PALM2AKAP2: variants seen among roughly 807,000 people sequenced by gnomAD.
PALM2AKAP2 encodes the protein PALM2 and AKAP2 fusion, also known as PALM2-AKAP2 fusion protein.
In PALM2AKAP2, 37 loss-of-function variants were observed where a neutral mutation model predicts 71.5. The observed-to-expected ratio is 0.52, with a 90% CI of 0.40 to 0.68. The LOEUF (loss-of-function observed/expected upper bound fraction) is 0.68. Among genes scored for constraint, PALM2AKAP2 ranks in the 30% least tolerant of loss-of-function variants. PALM2AKAP2 has a pLI of 0.00. For synonymous variants in PALM2AKAP2, 468 were observed against 478.8 expected, an observed-to-expected ratio of 0.98 and a Z score of 0.29; for missense variants, 1,224 against 1,191.8, an observed-to-expected ratio of 1.03 and a Z score of -0.40.
At chr9:109,778,725 GCATTTATTCAGGAAA>G (rs1829383896), upstream of PALM2AKAP2, among the ~76,000 whole-genome samples, 1 of 151,364 alleles carries the variant, frequency 6.6e-6, no homozygotes, top group Non-Finnish European at 1.5e-5. Flanking sequence ...TGAAATGGAA[GCATTTATTCAGGAAA>G]CAGGTGATCT....
At chr9:109,652,786 T>A (rs1048447877) in intron 1 of PALM2AKAP2, among the ~76,000 whole-genome samples, 2 of 152,180 alleles carry the variant, frequency 1.3e-5, no homozygotes, top group Non-Finnish European at 2.9e-5. Flanking sequence ...GGTCACAATC[T>A]AATGAGAAAC....
chr9:110,014,835 TATATATATATATATATAC>T (rs1564260688), intron 6 of PALM2AKAP2, among the ~76,000 whole-genome samples: 1 of 105,356 alleles, frequency 9.5e-6, no homozygotes, highest in African/African-American at 3.7e-5. Context: ...TATATATATA[TATATATATATATATATAC>T]ACACACACAC....
intron 1 of PALM2AKAP2, among the ~76,000 whole-genome samples, chr9:109,770,873 T>C (rs1049582477): frequency 4.6e-5 from 7 of 152,270 alleles, no homozygotes; most frequent in African/African-American, 1.7e-4. Flanking sequence ...CCAGGAGCTT[T>C]GTATACATTA....
intron 1 of PALM2AKAP2, among the ~76,000 whole-genome samples, chr9:109,804,636 C>G (rs1183454167): frequency 6.6e-6 from 1 of 152,194 alleles, no homozygotes; most frequent in Admixed American, 6.5e-5. Context: ...GCTGACAAAT[C>G]AGAATGCTAA....
intron 2 of PALM2AKAP2, among the ~76,000 whole-genome samples, chr9:110,146,353 C>G (rs186977279): frequency 1.4e-4 from 22 of 152,298 alleles, no homozygotes; most frequent in African/African-American, 4.8e-4. Flanking sequence ...GCTGTTCCTG[C>G]TGATTGTGCT....
intron 1 of PALM2AKAP2, among the ~76,000 whole-genome samples, chr9:109,835,447 C>A (rs906066405): frequency 6.6e-6 from 1 of 152,004 alleles, no homozygotes; most frequent in Non-Finnish European, 1.5e-5. Flanking sequence ...CAGCTCCCAG[C>A]GTGAGCAACA....
intron 3 of PALM2AKAP2, among the ~76,000 whole-genome samples, chr9:109,893,393 A>G (rs548239652): frequency 6.6e-6 from 1 of 152,342 alleles, no homozygotes; most frequent in African/African-American, 2.4e-5. Flanking sequence ...AATTGTGGGC[A>G]GACCAAGTTG....
At chr9:110,107,210 A>G (rs909591296) in intron 1 of PALM2AKAP2, among the ~76,000 whole-genome samples, 2 of 152,198 alleles carry the variant, frequency 1.3e-5, no homozygotes, top group Non-Finnish European at 2.9e-5. Context: ...GTTAACAATA[A>G]TATACAGTTT....
At chr9:109,786,635 T>C (rs756637203) in intron 1 of PALM2AKAP2, among the ~76,000 whole-genome samples, 13 of 152,192 alleles carry the variant, frequency 8.5e-5, no homozygotes, top group Admixed American at 2.6e-4. Context: ...GTCATTGCTG[T>C]GTCTGGGAGT....
At chr9:109,819,574 GC>G (rs1827937439) in intron 1 of PALM2AKAP2, among the ~76,000 whole-genome samples, 1 of 151,832 alleles carries the variant, frequency 6.6e-6, no homozygotes, top group Non-Finnish European at 1.5e-5. Context: ...GGACAGAGTG[GC>G]CCCCCAGAAG....
At chr9:109,942,870 AT>A in intron 6 of PALM2AKAP2, 1 of 1,614,204 alleles carries the variant, frequency 6.2e-7, no homozygotes, top group Non-Finnish European at 8.5e-7. Flanking sequence ...GAGTGCACAA[AT>A]TAAGCACAAA....
chr9:109,691,845 TATATATATATATATATATATATAC>T (rs1175898175), intron 1 of PALM2AKAP2, among the ~76,000 whole-genome samples: 7 of 18,354 alleles, frequency 3.8e-4, no homozygotes, highest in Non-Finnish European at 5.2e-4. Context: ...TATATATATA[TATATATATATATATATATATATAC>T]ACACACACAC....
chr9:109,857,240 A>T (rs1829192242), intron 1 of PALM2AKAP2, among the ~76,000 whole-genome samples: 1 of 152,218 alleles, frequency 6.6e-6, no homozygotes, highest in Admixed American at 6.5e-5. Context: ...GTAAATTGAG[A>T]ACCTTCCCAA....
intron 6 of PALM2AKAP2, among the ~76,000 whole-genome samples, chr9:110,003,422 C>T (rs1467553686): frequency 2.0e-5 from 3 of 152,124 alleles, no homozygotes; most frequent in Admixed American, 6.5e-5. Flanking sequence ...TATTCTTTTA[C>T]ATTTGCTGAG....
intron 1 of PALM2AKAP2, among the ~76,000 whole-genome samples, chr9:109,849,470 G>A (rs1343885499): frequency 6.6e-6 from 1 of 152,164 alleles, no homozygotes; most frequent in Admixed American, 6.5e-5. Context: ...AACCAGGGCT[G>A]GGCGCGGTAG....
At chr9:110,086,537 C>A (rs1834578306) in intron 1 of PALM2AKAP2, among the ~76,000 whole-genome samples, 1 of 152,210 alleles carries the variant, frequency 6.6e-6, no homozygotes, top group African/African-American at 2.4e-5. Context: ...CTTGCTGGGG[C>A]TCCACTGATT....
intron 5 of PALM2AKAP2, among the ~76,000 whole-genome samples, chr9:109,931,475 G>A (rs1489719242): frequency 1.3e-5 from 2 of 152,214 alleles, no homozygotes; most frequent in South Asian, 2.1e-4. Flanking sequence ...CCAGTTCAGG[G>A]AATGAACCCC....
At chr9:109,923,676 T>C in intron 3 of PALM2AKAP2, 59 bp from the exon 4 acceptor site, 1 of 1,513,100 alleles carries the variant, frequency 6.6e-7, no homozygotes, top group Non-Finnish European at 8.8e-7. Flanking sequence ...GGAGCTGCTC[T>C]CTTGCCCGTG....
intron 1 of PALM2AKAP2, among the ~76,000 whole-genome samples, chr9:110,109,987 A>G (rs1284033448): frequency 1.3e-5 from 2 of 152,196 alleles, no homozygotes; most frequent in Non-Finnish European, 1.5e-5. Flanking sequence ...TAAAATTTCA[A>G]TTATGCAGCA....
Sources: gnomAD v4.1 joint callset for allele counts (sites outside exome capture counted in the v4.1 genomes callset) on GRCh38, gnomAD v4.1.1 for gene constraint, MANE v1.5 for transcripts, NCBI Gene and HGNC (gene_info 2026-07-23, HGNC 2026-07-21) for gene names.